Variants in UNC13C observed in about 807,000 individuals in gnomAD.
The protein encoded by UNC13C is protein unc-13 homolog C.
A neutral mutation model predicts 245.4 loss-of-function variants in UNC13C; 174 were observed. The ratio of observed to expected loss-of-function variants is 0.71; its 90% confidence interval spans 0.63 to 0.80. The LOEUF is 0.80. Among genes scored for constraint, UNC13C ranks in the 30% least tolerant of loss-of-function variants. The probability of loss-of-function intolerance (pLI) is 0.00; values close to 1 mark genes in which losing one functional copy is unlikely to be tolerated. For synonymous variants in UNC13C, 992 were observed against 895.1 expected (o/e 1.11, Z -1.93); for missense variants, 2,829 against 2,602.9 (o/e 1.09, Z -1.89).
the UNC13C span, among the ~76,000 whole-genome samples, chr15:53,940,477 C>T: frequency 0.022 from 3,288 of 152,018 alleles, 148 homozygotes; most frequent in East Asian, 0.21. Flanking sequence ...GGTAATCAGG[C>T]AAGAGAAAGA....
intron 29 of UNC13C, 112 bp from the exon 30 acceptor site, chr15:54,567,688 T>C: frequency 9.8e-7 from 1 of 1,022,312 alleles, no homozygotes; most frequent in Non-Finnish European, 1.4e-6. Flanking sequence ...TTTTTTTGTA[T>C]CTTGCATTGA....
Position 54,223,634 on chromosome 15 carries a change from T to C in UNC13C, c.3072-11396T>C, listed in dbSNP as rs557940656. Among the ~76,000 whole-genome samples the C allele has an allele frequency of 2.6e-4, 40 of 152,140 alleles. No individual in the cohort carries two copies. In the South Asian group the frequency reaches 8.3e-3, roughly 32 times the overall value. Reference sequence around the variant, plus strand: ...TATCCTGAGTCTTTTGCAATTCCATTTAAATTTTAGGATTTTTTATTCTTT... The same window carrying C: ...TATCCTGAGTCTTTTGCAATTCCATCTAAATTTTAGGATTTTTTATTCTTT... On this transcript the variant is annotated intron_variant, in intron 4 of 32. Coordinates refer to ENST00000260323, the MANE Select transcript of UNC13C (RefSeq NM_001080534.3).
chr15:54,426,988 G>C lies in UNC13C; in HGVS notation c.4933+11921G>C, dbSNP rs116429832. Among the ~76,000 whole-genome samples, 649 of 151,878 alleles carry C rather than the reference G, an allele frequency of 4.3e-3. 1 individual carries two copies. Among genetic ancestry groups the C allele is most frequent in the African/African-American group, 0.015 (603 of 41,482 alleles). On this transcript the variant is annotated intron_variant, in intron 19 of 32. Coordinates refer to ENST00000260323, the MANE Select transcript of UNC13C (RefSeq NM_001080534.3). The stretch of plus-strand genomic sequence containing the variant: ...AAAACCTGAGTTAACCATTCAGCTA[G>C]ATATATTCTAAAGCTATATCTGAAT...
intron 2 of UNC13C, among the ~76,000 whole-genome samples, chr15:54,087,255 T>G (rs1427799958): frequency 6.6e-6 from 1 of 152,170 alleles, no homozygotes; most frequent in Non-Finnish European, 1.5e-5. Context: ...TCTTAAAATT[T>G]AGAGAGCCCT....
the UNC13C span, among the ~76,000 whole-genome samples, chr15:53,965,212 C>A: frequency 6.6e-6 from 1 of 152,084 alleles, no homozygotes; most frequent in African/African-American, 2.4e-5. Context: ...TTATAATGAA[C>A]ACTTACGTGC....
At chr15:54,374,305 C>CATCAGCCT (rs1426869256) in intron 17 of UNC13C, among the ~76,000 whole-genome samples, 1 of 152,190 alleles carries the variant, frequency 6.6e-6, no homozygotes, top group African/African-American at 2.4e-5. Context: ...CTCCCACTGT[C>CATCAGCCT]ATCAGCCTGT....
rs540935414 is a variant in UNC13C, at chr15:54,344,321, C to A, written c.4713+5832C>A. 2.1e-3 allele frequency among the ~76,000 whole-genome samples: 313 copies of A among 152,134 alleles called. 1 individual carries two copies. The highest frequency in any genetic ancestry group is 6.5e-3 in the African/African-American group (271 of 41,500). On this transcript the variant is annotated intron_variant, in intron 17 of 32. Coordinates refer to ENST00000260323, the MANE Select transcript of UNC13C (RefSeq NM_001080534.3). ...TGTAAGAGAGCTTCGTAGGTAGTTC[C>A]CATAAAGCAAACGTGCCCCTAACAA...
At chr15:54,531,505 A>G (rs1895732080) in intron 25 of UNC13C, among the ~76,000 whole-genome samples, 1 of 152,188 alleles carries the variant, frequency 6.6e-6, no homozygotes, top group Non-Finnish European at 1.5e-5. Flanking sequence ...TTCATTTGAT[A>G]AATATGGCAA....
At chr15:54,468,559 T>C (rs1321580270) in intron 19 of UNC13C, among the ~76,000 whole-genome samples, 1 of 151,778 alleles carries the variant, frequency 6.6e-6, no homozygotes, top group Non-Finnish European at 1.5e-5. Context: ...TGTGTTTCCT[T>C]CTAGAAGTTT....
intron 29 of UNC13C, among the ~76,000 whole-genome samples, chr15:54,561,371 T>C (rs973933791): frequency 4.6e-5 from 7 of 151,996 alleles, no homozygotes; most frequent in African/African-American, 1.7e-4. Context: ...AAAAATATCA[T>C]AAAGTTTTAG....
intron 4 of UNC13C, among the ~76,000 whole-genome samples, chr15:54,208,962 A>C (rs2034796479): frequency 6.6e-6 from 1 of 151,994 alleles, no homozygotes; most frequent in South Asian, 2.1e-4. Flanking sequence ...AGAAACATTA[A>C]CTCCTTTATG....
chr15:53,921,946 AGTTG>A, the UNC13C span, among the ~76,000 whole-genome samples: 8 of 152,206 alleles, frequency 5.3e-5, no homozygotes, highest in African/African-American at 1.9e-4. Flanking sequence ...CTTGTGAGTT[AGTTG>A]GTTACAAAAT....
intron 13 of UNC13C, among the ~76,000 whole-genome samples, chr15:54,304,182 G>A (rs935909160): frequency 2.0e-5 from 3 of 152,064 alleles, no homozygotes; most frequent in Admixed American, 6.6e-5. Flanking sequence ...AAATGGCTGT[G>A]TGCTGATAAA....
intron 4 of UNC13C, among the ~76,000 whole-genome samples, chr15:54,156,644 C>T (rs1027932597): frequency 2.0e-5 from 3 of 151,838 alleles, no homozygotes; most frequent in African/African-American, 7.3e-5. Flanking sequence ...GGTATCCTTT[C>T]CAGGCTAGAG....
chr15:54,265,796 C>G (rs2036536849), intron 10 of UNC13C, among the ~76,000 whole-genome samples: 1 of 151,802 alleles, frequency 6.6e-6, no homozygotes, highest in Admixed American at 6.6e-5. Flanking sequence ...CTTGCGATGA[C>G]CCAACATAGC....
chr15:54,099,398 T>A (rs1334795182), intron 2 of UNC13C, among the ~76,000 whole-genome samples: 1 of 152,172 alleles, frequency 6.6e-6, no homozygotes, highest in African/African-American at 2.4e-5. Flanking sequence ...CCCCAGTAAG[T>A]GGTCTCACTA....
chr15:54,206,245 A>G lies in UNC13C; in HGVS notation c.3072-28785A>G, dbSNP rs536286213. The stretch of plus-strand genomic sequence containing the variant: ...AACAGTTTCTCTCCCTTCTCTTTGC[A>G]CTAGTCACTTACAACCCATTATCGC... On this transcript the variant is annotated intron_variant, in intron 4 of 32. Coordinates refer to ENST00000260323, the MANE Select transcript of UNC13C (RefSeq NM_001080534.3). Among the ~76,000 whole-genome samples, 35 of 152,098 alleles carry G rather than the reference A, an allele frequency of 2.3e-4. 2 individuals are homozygous for G. Among genetic ancestry groups the G allele is most frequent in the African/African-American group, 8.2e-4 (34 of 41,518 alleles).
At chr15:54,105,291 G>T (rs1388685818) in intron 2 of UNC13C, among the ~76,000 whole-genome samples, 1 of 152,066 alleles carries the variant, frequency 6.6e-6, no homozygotes, top group East Asian at 1.9e-4. Context: ...ACATGGGGGG[G>T]TCTCAGCAGT....
At chr15:54,377,926 T>TA (rs1370592321) in intron 17 of UNC13C, among the ~76,000 whole-genome samples, 1 of 152,184 alleles carries the variant, frequency 6.6e-6, no homozygotes, top group Non-Finnish European at 1.5e-5. Flanking sequence ...TCTGTGAACT[T>TA]AGTTACAAGT....
Sources: allele counts gnomAD v4.1 joint callset (sites outside exome capture counted in the v4.1 genomes callset), GRCh38; gene constraint gnomAD v4.1.1; transcripts MANE v1.5; gene names NCBI Gene and HGNC (gene_info 2026-07-23, HGNC 2026-07-21).